SPON1: variants seen among roughly 807,000 people sequenced by gnomAD.
SPON1 encodes spondin-1.
SPON1 carries 52 observed loss-of-function variants against 111.7 expected under a neutral mutation model. The observed-to-expected ratio is 0.47, with a 90% CI of 0.37 to 0.59. The LOEUF is 0.59. SPON1 is among the 20% of genes least tolerant of loss of function. The pLI, the probability that SPON1 is intolerant of heterozygous loss-of-function variation, is 0.00. For synonymous variants in SPON1, 410 were observed against 395.8 expected, an observed-to-expected ratio of 1.04 and a Z score of -0.43; for missense variants, 957 against 1,068.5, an observed-to-expected ratio of 0.90 and a Z score of 1.46.
intron 1 of SPON1, among the ~76,000 whole-genome samples, chr11:13,963,819 A>G (rs1401012673): frequency 6.6e-6 from 1 of 152,200 alleles, no homozygotes; most frequent in African/African-American, 2.4e-5. Context: ...ACAGGTTCCC[A>G]GTGGGGACAG....
At chr11:14,260,539 G>GAAAACAAAAGGAACCTGT in intron 13 of SPON1, 49 bp from the exon 14 acceptor site, 1 of 1,580,770 alleles carries the variant, frequency 6.3e-7, no homozygotes, top group Non-Finnish European at 8.6e-7. Context: ...GGAGATCAAC[G>GAAAACAAAAGGAACCTGT]AAAACAAAAG....
intron 5 of SPON1, among the ~76,000 whole-genome samples, chr11:14,125,515 T>C (rs1042376624): frequency 6.6e-6 from 1 of 152,078 alleles, no homozygotes; most frequent in African/African-American, 2.4e-5. Flanking sequence ...AAAACAAAGA[T>C]TTGCTGAAAA....
chr11:14,062,469 C>T (rs1203154367), intron 3 of SPON1, among the ~76,000 whole-genome samples: 7 of 152,172 alleles, frequency 4.6e-5, no homozygotes, highest in African/African-American at 1.4e-4. Flanking sequence ...AGTACAATAG[C>T]ATCGCAAACT....
chr11:14,006,306 G>T (rs1848360158), intron 2 of SPON1, among the ~76,000 whole-genome samples: 1 of 151,876 alleles, frequency 6.6e-6, no homozygotes, highest in South Asian at 2.1e-4. Flanking sequence ...GTTTTTTTTG[G>T]CAAGGGGAGA....
At chr11:14,178,421 C>CA (rs35221896) in intron 6 of SPON1, among the ~76,000 whole-genome samples, 4,443 of 123,878 alleles carry the variant, frequency 0.036, 111 homozygotes, top group South Asian at 0.13. Flanking sequence ...GACTCCGTCT[C>CA]AAAAAAAAAA....
At chr11:14,201,215 C>T (rs994367744) in intron 6 of SPON1, among the ~76,000 whole-genome samples, 2 of 151,852 alleles carry the variant, frequency 1.3e-5, no homozygotes, top group Non-Finnish European at 2.9e-5. Context: ...TGGCGGGCAC[C>T]TGTAGTCCCA....
intron 1 of SPON1, among the ~76,000 whole-genome samples, chr11:13,968,597 G>A (rs571933621): frequency 5.9e-5 from 9 of 152,232 alleles, no homozygotes; most frequent in African/African-American, 2.2e-4. Flanking sequence ...ATGGATACCT[G>A]GTAACAAAAT....
chr11:14,253,641 A>G (rs1242064968), intron 7 of SPON1, among the ~76,000 whole-genome samples: 5 of 152,220 alleles, frequency 3.3e-5, no homozygotes, highest in African/African-American at 4.8e-5. Context: ...GACTGAACAG[A>G]ACAGTTGGTC....
chr11:14,205,365 T>A (rs781872352), intron 6 of SPON1, among the ~76,000 whole-genome samples: 5 of 152,182 alleles, frequency 3.3e-5, no homozygotes, highest in Non-Finnish European at 7.4e-5. Flanking sequence ...TGGTATGCTG[T>A]GGGCACTCAA....
At chr11:14,108,600 A>G (rs782259821) in intron 5 of SPON1, among the ~76,000 whole-genome samples, 4 of 152,204 alleles carry the variant, frequency 2.6e-5, no homozygotes, top group East Asian at 1.9e-4. Context: ...TTATACTACA[A>G]GGCCTAACCA....
intron 6 of SPON1, among the ~76,000 whole-genome samples, chr11:14,199,669 C>T (rs1055439264): frequency 3.9e-5 from 6 of 152,202 alleles, no homozygotes; most frequent in Admixed American, 2.0e-4. Flanking sequence ...TGTGCTTCCC[C>T]GTTACTCTCA....
At chr11:14,251,471 G>T (rs536814806) in intron 7 of SPON1, among the ~76,000 whole-genome samples, 70 of 152,334 alleles carry the variant, frequency 4.6e-4, no homozygotes, top group African/African-American at 1.4e-3. Context: ...GGCTGGGCAG[G>T]TTCCAGGGTA....
At chr11:14,138,315 T>C (rs989185987) in intron 6 of SPON1, among the ~76,000 whole-genome samples, 2 of 151,606 alleles carry the variant, frequency 1.3e-5, no homozygotes, top group Non-Finnish European at 2.9e-5. Context: ...CAAGCACAAA[T>C]GAACAAAAAT....
chr11:14,167,844 C>T (rs902388934), intron 6 of SPON1, among the ~76,000 whole-genome samples: 4 of 152,152 alleles, frequency 2.6e-5, no homozygotes, highest in Non-Finnish European at 5.9e-5. Flanking sequence ...ATCTTAGCCA[C>T]CTTGTTTATA....
intron 3 of SPON1, among the ~76,000 whole-genome samples, chr11:14,064,066 T>G (rs1179603446): frequency 6.6e-6 from 1 of 152,058 alleles, no homozygotes; most frequent in Non-Finnish European, 1.5e-5. Flanking sequence ...AGAGTTGAAT[T>G]ATGGGGAAAG....
intron 6 of SPON1, among the ~76,000 whole-genome samples, chr11:14,166,705 A>G (rs1274106894): frequency 1.3e-5 from 2 of 152,212 alleles, no homozygotes; most frequent in Non-Finnish European, 2.9e-5. Flanking sequence ...ATTACAATTA[A>G]TAATGTACAC....
chr11:14,069,422 A>G (rs563471714), intron 3 of SPON1, among the ~76,000 whole-genome samples: 1 of 152,084 alleles, frequency 6.6e-6, no homozygotes, highest in Non-Finnish European at 1.5e-5. Context: ...TAGAGTCTCT[A>G]TTTCCCATGC....
chr11:14,171,148 A>G (rs1554932416), intron 6 of SPON1, among the ~76,000 whole-genome samples: 1 of 152,158 alleles, frequency 6.6e-6, no homozygotes, highest in African/African-American at 2.4e-5. Flanking sequence ...TTGGTAAGCT[A>G]TTAATTATTG....
intron 5 of SPON1, among the ~76,000 whole-genome samples, chr11:14,131,324 G>T (rs112821058): frequency 6.6e-6 from 1 of 151,986 alleles, no homozygotes; most frequent in East Asian, 1.9e-4. Flanking sequence ...CAGTTTCTTC[G>T]TATGTAACAT....
Sources: allele counts gnomAD v4.1 joint callset (sites outside exome capture counted in the v4.1 genomes callset), GRCh38; gene constraint gnomAD v4.1.1; transcripts MANE v1.5; gene names NCBI Gene and HGNC (gene_info 2026-07-23, HGNC 2026-07-21).